NRXN3: variants seen among roughly 807,000 people sequenced by gnomAD.
NRXN3 encodes neurexin III.
In NRXN3, 32 loss-of-function variants were observed where a neutral mutation model predicts 137.6. That is an observed-to-expected ratio of 0.23 (90% CI 0.18 to 0.31). The LOEUF (loss-of-function observed/expected upper bound fraction) is 0.31, where lower values mean the gene tolerates loss of function less well. NRXN3 is among the 10% of genes least tolerant of loss of function. The probability of loss-of-function intolerance (pLI) is 1.00; values close to 1 mark genes in which losing one functional copy is unlikely to be tolerated. For missense variants in NRXN3, 1,574 were observed against 2,062.5 expected (o/e 0.76, Z 4.59); for synonymous variants, 798 against 784.5 (o/e 1.02, Z -0.29).
intron 15 of NRXN3, among the ~76,000 whole-genome samples, chr14:79,431,171 A>G (rs1268995339): frequency 6.6e-6 from 1 of 152,198 alleles, no homozygotes; most frequent in Non-Finnish European, 1.5e-5. Flanking sequence ...TCTTGCAAAC[A>G]AAAGAACTGA....
chr14:78,954,127 T>G (rs902611861), intron 10 of NRXN3, among the ~76,000 whole-genome samples: 2 of 152,178 alleles, frequency 1.3e-5, no homozygotes, highest in Non-Finnish European at 2.9e-5. Flanking sequence ...ACTTATCAAT[T>G]CACTTTTATG....
At chr14:78,776,501 C>T (rs1200619606) in intron 8 of NRXN3, among the ~76,000 whole-genome samples, 2 of 152,078 alleles carry the variant, frequency 1.3e-5, no homozygotes, top group East Asian at 3.9e-4. Flanking sequence ...ATTTATAGGT[C>T]AGTGTGGCAT....
At chr14:79,444,408 G>T (rs185607195) in intron 15 of NRXN3, among the ~76,000 whole-genome samples, 1 of 152,116 alleles carries the variant, frequency 6.6e-6, no homozygotes, top group African/African-American at 2.4e-5. Flanking sequence ...CGACTGCTTC[G>T]GATTTGTCGC....
chr14:79,010,284 G>A (rs955737040), intron 15 of NRXN3, among the ~76,000 whole-genome samples: 9 of 152,090 alleles, frequency 5.9e-5, no homozygotes, highest in African/African-American at 2.2e-4. Flanking sequence ...GTATATAATT[G>A]CCATCTCTTT....
chr14:78,991,693 G>C (rs749149067), intron 15 of NRXN3, among the ~76,000 whole-genome samples: 1 of 152,194 alleles, frequency 6.6e-6, no homozygotes, highest in Non-Finnish European at 1.5e-5. Flanking sequence ...GGCATGACTT[G>C]TAAGGCTCTA....
intron 15 of NRXN3, among the ~76,000 whole-genome samples, chr14:79,390,604 C>A (rs774663899): frequency 1.3e-5 from 2 of 152,148 alleles, no homozygotes; most frequent in Non-Finnish European, 2.9e-5. Flanking sequence ...AAGAAACTGT[C>A]CTTCTATCTA....
At chr14:78,326,842 G>A (rs531685156) in intron 4 of NRXN3, among the ~76,000 whole-genome samples, 1 of 151,370 alleles carries the variant, frequency 6.6e-6, no homozygotes, top group African/African-American at 2.4e-5. Context: ...TGCAGTGTGT[G>A]TAATTGTGAA....
chr14:78,950,136 A>G (rs950010281), intron 10 of NRXN3, among the ~76,000 whole-genome samples: 1 of 152,214 alleles, frequency 6.6e-6, no homozygotes, highest in African/African-American at 2.4e-5. Context: ...TATCTGTTAT[A>G]AAGTTTTTTT....
chr14:78,927,150 C>CTCTTGAGGAA (rs546385554), intron 10 of NRXN3, among the ~76,000 whole-genome samples: 7 of 111,716 alleles, frequency 6.3e-5, no homozygotes, highest in Middle Eastern at 4.4e-3. Flanking sequence ...GTGAGACCCT[C>CTCTTGAGGAA]AAAAAAAAAA....
chr14:78,924,606 TTGA>T (rs910830741), intron 10 of NRXN3, among the ~76,000 whole-genome samples: 3 of 152,162 alleles, frequency 2.0e-5, no homozygotes, highest in African/African-American at 7.2e-5. Flanking sequence ...CTTCATCTCC[TTGA>T]TGATAACAAA....
At chr14:78,172,035 A>T (rs1166606196) in intron 1 of NRXN3, among the ~76,000 whole-genome samples, 3 of 152,030 alleles carry the variant, frequency 2.0e-5, no homozygotes, top group Non-Finnish European at 4.4e-5. Context: ...TTGGGGAGAT[A>T]GTTTTTCTTT....
chr14:79,429,362 G>A (rs1298112244), intron 15 of NRXN3, among the ~76,000 whole-genome samples: 1 of 152,212 alleles, frequency 6.6e-6, no homozygotes, highest in Non-Finnish European at 1.5e-5. Flanking sequence ...CAGTAAGAAT[G>A]TGGCTTCTGG....
intron 15 of NRXN3, among the ~76,000 whole-genome samples, chr14:79,386,933 C>A (rs1566978543): frequency 6.6e-6 from 1 of 152,192 alleles, no homozygotes; most frequent in Non-Finnish European, 1.5e-5. Context: ...CTTCCTTACA[C>A]CTTATACAAA....
At chr14:78,199,012 C>T (rs1046759332) in intron 1 of NRXN3, among the ~76,000 whole-genome samples, 1 of 152,124 alleles carries the variant, frequency 6.6e-6, no homozygotes, top group Non-Finnish European at 1.5e-5. Context: ...GCTCCTGGCT[C>T]CAAGGAACAT....
At chr14:79,702,766 C>G (rs1386595753) in intron 19 of NRXN3, among the ~76,000 whole-genome samples, 1 of 151,978 alleles carries the variant, frequency 6.6e-6, no homozygotes, top group Non-Finnish European at 1.5e-5. Context: ...ACAACTGACT[C>G]CAATATTGGT....
Position 79,071,029 on chromosome 14 carries a change from T to C in NRXN3, c.3262+82888T>C, listed in dbSNP as rs2099687002. ...CAAACTCTTTTTACCCATTAAACATTTGAAGTAGATTTATTAGCTCTAAGG... is the reference window on the plus strand; with the variant it reads ...CAAACTCTTTTTACCCATTAAACATCTGAAGTAGATTTATTAGCTCTAAGG... On this transcript the variant is annotated intron_variant, in intron 15 of 20. Transcript: ENST00000335750. Among the ~76,000 whole-genome samples the C allele has an allele frequency of 2.0e-5, 3 of 152,152 alleles. No individual in the cohort carries two copies. The South Asian group carries it at 6.2e-4, about 32-fold the overall frequency.
chr14:79,712,138 C>T (rs2098806694), intron 19 of NRXN3, among the ~76,000 whole-genome samples: 1 of 152,204 alleles, frequency 6.6e-6, no homozygotes, highest in Non-Finnish European at 1.5e-5. Flanking sequence ...TAGTATCTTT[C>T]TAACCTTGCC....
intron 2 of NRXN3, among the ~76,000 whole-genome samples, chr14:78,270,363 G>A (rs1377129088): frequency 6.6e-6 from 1 of 152,202 alleles, no homozygotes; most frequent in Non-Finnish European, 1.5e-5. Flanking sequence ...AGATGCAGAT[G>A]TGTATTCCTT....
At chr14:79,531,655 G>A (rs1278620322) in intron 16 of NRXN3, among the ~76,000 whole-genome samples, 3 of 152,092 alleles carry the variant, frequency 2.0e-5, no homozygotes, top group Non-Finnish European at 4.4e-5. Flanking sequence ...GTATGTCTAG[G>A]TCATGATCTT....
Sources: allele counts gnomAD v4.1 joint callset (sites outside exome capture counted in the v4.1 genomes callset), GRCh38; gene constraint gnomAD v4.1.1; transcripts MANE v1.5; gene names NCBI Gene and HGNC (gene_info 2026-07-23, HGNC 2026-07-21).